The following RBFOX1 variants were observed in gnomAD, a reference collection of about 807,000 sequenced individuals.
RBFOX1 encodes RNA binding fox-1 homolog 1.
Under a neutral mutation model 57.7 loss-of-function variants are expected in RBFOX1, and 8 were observed. The ratio of observed to expected loss-of-function variants is 0.14; its 90% CI spans 0.08 to 0.25. RBFOX1 has a LOEUF of 0.25. RBFOX1 is among the 10% of genes least tolerant of loss of function. RBFOX1 has a pLI of 1.00. For synonymous variants in RBFOX1, 326 were observed against 222.4 expected, an observed-to-expected ratio of 1.47 and a Z score of -4.15; for missense variants, 611 against 548.5, an observed-to-expected ratio of 1.11 and a Z score of -1.14.
chr16:6,284,719 G>A (rs1003872230), intron 1 of RBFOX1, among the ~76,000 whole-genome samples: 4 of 152,088 alleles, frequency 2.6e-5, no homozygotes, highest in African/African-American at 9.7e-5. Context: ...GAATACCCCT[G>A]ACCTTGTGAA....
chr16:5,590,212 C>G (rs1379693322), intron 2 of RBFOX1, among the ~76,000 whole-genome samples: 1 of 152,068 alleles, frequency 6.6e-6, no homozygotes, highest in Admixed American at 6.6e-5. Context: ...AAGGCATAGT[C>G]AGTCAAATAA....
intron 1 of RBFOX1, among the ~76,000 whole-genome samples, chr16:5,269,498 C>T (rs947283950): frequency 1.3e-5 from 2 of 152,244 alleles, no homozygotes; most frequent in African/African-American, 4.8e-5. Context: ...AAGAGATACA[C>T]TGAATGTTGT....
At chr16:6,196,684 A>G (rs2097182003) in intron 1 of RBFOX1, among the ~76,000 whole-genome samples, 2 of 151,868 alleles carry the variant, frequency 1.3e-5, no homozygotes, top group South Asian at 4.1e-4. Context: ...TCAGCTTGTT[A>G]TTTGTGCTAT....
chr16:5,641,907 A>G (rs2048887395), intron 3 of RBFOX1, among the ~76,000 whole-genome samples: 1 of 152,166 alleles, frequency 6.6e-6, no homozygotes, highest in Non-Finnish European at 1.5e-5. Flanking sequence ...GGAGAAGGCT[A>G]TGATGCATAT....
At chr16:6,678,440 A>G (rs2058100721) in intron 3 of RBFOX1, among the ~76,000 whole-genome samples, 1 of 151,842 alleles carries the variant, frequency 6.6e-6, no homozygotes, top group Non-Finnish European at 1.5e-5. Flanking sequence ...TATTTATGAT[A>G]TATAATATGT....
chr16:7,331,826 T>A (rs1383975468), intron 4 of RBFOX1, among the ~76,000 whole-genome samples: 2 of 152,174 alleles, frequency 1.3e-5, no homozygotes, highest in African/African-American at 4.8e-5. Flanking sequence ...CAATTGGAAT[T>A]AATTCCAATT....
chr16:6,782,094 C>A (rs2081118023), intron 3 of RBFOX1, among the ~76,000 whole-genome samples: 1 of 152,094 alleles, frequency 6.6e-6, no homozygotes, highest in African/African-American at 2.4e-5. Context: ...GCAACCTCCG[C>A]CTCCTGGGTT....
At chr16:6,739,468 T>G (rs2154181084) in intron 3 of RBFOX1, among the ~76,000 whole-genome samples, 1 of 151,548 alleles carries the variant, frequency 6.6e-6, no homozygotes, top group South Asian at 2.1e-4. Flanking sequence ...AATTCATAAT[T>G]TAACATCCCC....
chr16:6,297,847 C>T (rs11859053), intron 1 of RBFOX1, among the ~76,000 whole-genome samples: 6 of 151,886 alleles, frequency 4.0e-5, no homozygotes, highest in South Asian at 4.2e-4. Flanking sequence ...CACTGGGTGG[C>T]GAAACGCCAG....
At chr16:5,709,902 G>A (rs371230344) in intron 3 of RBFOX1, among the ~76,000 whole-genome samples, 1 of 118,270 alleles carries the variant, frequency 8.5e-6, no homozygotes, top group Non-Finnish European at 1.7e-5. Context: ...TCTTCACAAC[G>A]GCCCCGTGAA....
At chr16:6,698,191 C>G (rs147020643) in intron 3 of RBFOX1, among the ~76,000 whole-genome samples, 454 of 152,234 alleles carry the variant, frequency 3.0e-3, no homozygotes, top group African/African-American at 9.9e-3. Context: ...TTTACTTTCC[C>G]TCGTGCTCCA....
At chr16:7,447,430 C>CAAAAAA (rs202234230) in intron 4 of RBFOX1, among the ~76,000 whole-genome samples, 2 of 98,504 alleles carry the variant, frequency 2.0e-5, no homozygotes, top group Non-Finnish European at 4.0e-5. Flanking sequence ...GAGTCTATCT[C>CAAAAAA]AAAAAAAAAA....
chr16:6,754,395 C>T (rs939978233), intron 3 of RBFOX1, among the ~76,000 whole-genome samples: 2 of 152,168 alleles, frequency 1.3e-5, no homozygotes, highest in Non-Finnish European at 2.9e-5. Context: ...AAAGCAAAGT[C>T]ATCTTGGGAA....
intron 1 of RBFOX1, among the ~76,000 whole-genome samples, chr16:5,319,671 T>C (rs950219788): frequency 6.6e-6 from 1 of 152,346 alleles, no homozygotes; most frequent in East Asian, 1.9e-4. Context: ...AAGACAGACT[T>C]ATTTTATTAG....
intron 2 of RBFOX1, among the ~76,000 whole-genome samples, chr16:6,518,023 T>G (rs1310642573): frequency 6.6e-6 from 1 of 152,210 alleles, no homozygotes; most frequent in Non-Finnish European, 1.5e-5. Flanking sequence ...CCTCATTGAC[T>G]CTGAAGTTCT....
intron 3 of RBFOX1, among the ~76,000 whole-genome samples, chr16:6,747,412 G>GA (rs34681943): frequency 0.24 from 35,512 of 148,434 alleles, 4,233 homozygotes; most frequent in Middle Eastern, 0.31. Context: ...GTCTCAAAAA[G>GA]AAAAAAAAAA....
At chr16:5,674,166 G>A (rs1260100973) in intron 3 of RBFOX1, among the ~76,000 whole-genome samples, 2 of 152,202 alleles carry the variant, frequency 1.3e-5, no homozygotes, top group Admixed American at 1.3e-4. Context: ...TAGAAGTGGG[G>A]CATGTAATTA....
At chr16:6,629,913 C>G (rs777813675) in intron 2 of RBFOX1, among the ~76,000 whole-genome samples, 14 of 149,522 alleles carry the variant, frequency 9.4e-5, no homozygotes, top group South Asian at 2.1e-4. Flanking sequence ...TTTTAATGAC[C>G]TCTGCTACAT....
chr16:7,308,424 G>A (rs916351598), intron 4 of RBFOX1, among the ~76,000 whole-genome samples: 1 of 151,652 alleles, frequency 6.6e-6, no homozygotes, highest in Admixed American at 6.6e-5. Flanking sequence ...TATCTGTCAA[G>A]CCCTATCCAC....
Sources: allele counts gnomAD v4.1 joint callset (sites outside exome capture counted in the v4.1 genomes callset), GRCh38; gene constraint gnomAD v4.1.1; transcripts MANE v1.5; gene names NCBI Gene and HGNC (gene_info 2026-07-23, HGNC 2026-07-21).